Variants in GPBP1 observed in about 807,000 individuals in gnomAD.
GPBP1 encodes the protein GC-rich promoter binding protein 1.
In GPBP1, 13 loss-of-function variants were observed where a neutral mutation model predicts 56.5. The observed-to-expected ratio is 0.23, with a 90% CI of 0.15 to 0.37. The LOEUF (loss-of-function observed/expected upper bound fraction) is 0.37. GPBP1 is among the 10% of genes least tolerant of loss of function. The pLI is 1.00. For synonymous variants in GPBP1, 204 were observed against 188.9 expected (o/e 1.08, Z -0.66); for missense variants, 477 against 572.3 (o/e 0.83, Z 1.70).
chr5:57,184,856 A>G (rs1754215781), intron 2 of GPBP1, among the ~76,000 whole-genome samples: 1 of 152,198 alleles, frequency 6.6e-6, no homozygotes, highest in South Asian at 2.1e-4. Flanking sequence ...CGGAATGTCA[A>G]AGGAATTATA....
chr5:57,241,834 A>G (rs1456710546), intron 6 of GPBP1, among the ~76,000 whole-genome samples: 4 of 152,230 alleles, frequency 2.6e-5, no homozygotes, highest in South Asian at 4.1e-4. Context: ...TCTTCTTCAT[A>G]TAATTAACCA....
At chr5:57,251,321 C>T (rs1466179458) in intron 10 of GPBP1, among the ~76,000 whole-genome samples, 180 bp downstream of exon 10, 1 of 152,158 alleles carries the variant, frequency 6.6e-6, no homozygotes, top group Admixed American at 6.5e-5. Flanking sequence ...CTCGCATTTA[C>T]TTTTCATTTG....
At chr5:57,225,578 G>A (rs1756151753) in intron 3 of GPBP1, among the ~76,000 whole-genome samples, 1 of 150,730 alleles carries the variant, frequency 6.6e-6, no homozygotes, top group Non-Finnish European at 1.5e-5. Flanking sequence ...ATTCTACAAA[G>A]TAAGAATTAA....
chr5:57,253,974 A>G (rs1317746784), intron 10 of GPBP1, among the ~76,000 whole-genome samples: 2 of 151,710 alleles, frequency 1.3e-5, no homozygotes, highest in Non-Finnish European at 2.9e-5. Context: ...GTCTTATTCC[A>G]TTGTCCAGCC....
chr5:57,228,035 G>A (rs1033288462), intron 3 of GPBP1, among the ~76,000 whole-genome samples: 5 of 152,120 alleles, frequency 3.3e-5, no homozygotes, highest in African/African-American at 1.2e-4. Flanking sequence ...ACTAATACAA[G>A]ATAGAATTGT....
At chr5:57,180,885 G>A (rs1233939883) in intron 2 of GPBP1, among the ~76,000 whole-genome samples, 1 of 152,104 alleles carries the variant, frequency 6.6e-6, no homozygotes, top group East Asian at 1.9e-4. Context: ...GGGATTACAG[G>A]TGCCCACCAC....
chr5:57,222,038 G>T (rs1476298474), intron 3 of GPBP1, among the ~76,000 whole-genome samples: 2 of 150,894 alleles, frequency 1.3e-5, no homozygotes, highest in Non-Finnish European at 3.0e-5. Flanking sequence ...TTGTTTTTTT[G>T]TTTTGTTTTT....
intron 2 of GPBP1, among the ~76,000 whole-genome samples, chr5:57,202,609 TTATC>T (rs1755068462): frequency 6.6e-6 from 1 of 152,250 alleles, no homozygotes; most frequent in African/African-American, 2.4e-5. Context: ...TTTAAAAAGC[TTATC>T]TATCATTTGA....
intron 2 of GPBP1, among the ~76,000 whole-genome samples, chr5:57,182,164 A>G (rs895131704): frequency 2.0e-5 from 3 of 151,800 alleles, no homozygotes; most frequent in Admixed American, 1.3e-4. Context: ...GCTCACTGCA[A>G]CCTCCACCTC....
At chr5:57,203,480 A>AC (rs1416172943) in intron 2 of GPBP1, among the ~76,000 whole-genome samples, 4 of 152,262 alleles carry the variant, frequency 2.6e-5, no homozygotes, top group African/African-American at 9.6e-5. Flanking sequence ...TACTAAAAAT[A>AC]CAAAAAAATT....
intron 10 of GPBP1, among the ~76,000 whole-genome samples, chr5:57,258,922 G>GT (rs944653944): frequency 3.9e-5 from 6 of 152,178 alleles, no homozygotes; most frequent in African/African-American, 1.4e-4. Flanking sequence ...TTACGATTCA[G>GT]TTTTTAAAAG....
chr5:57,241,300 C>T (rs940881142), intron 6 of GPBP1, among the ~76,000 whole-genome samples: 3 of 152,190 alleles, frequency 2.0e-5, no homozygotes, highest in Admixed American at 6.5e-5. Flanking sequence ...TATTTTTGTT[C>T]TAATTTGTCT....
In GPBP1 at chr5:57,231,163, A is replaced by C; in HGVS notation, c.253A>C (p.Asn85His). ...THGRNGTENI[N>H]HRGGYHGGSS... ...TGGAAGAAATGGTACAGAAAACATA[A>C]ATCATCGAGGTGGATACCATGGTGG... is the stretch of plus-strand genomic sequence containing the variant. Residue 85 changes from asparagine to histidine, a missense_variant, in exon 5 of 12, where the codon AAT (asparagine) becomes CAT (histidine). Asn to His is a moderately conservative substitution (Grantham distance 68, BLOSUM62 1). Coordinates refer to ENST00000506184, the MANE Select transcript of GPBP1 (RefSeq NM_022913.4). The C allele has an allele frequency of 2.5e-6, 4 of 1,614,214 alleles. No homozygotes were observed. The highest frequency in any genetic ancestry group is 3.4e-6 in the Non-Finnish European group (4 of 1,180,026).
chr5:57,234,425 G>A (rs112153027), intron 5 of GPBP1, among the ~76,000 whole-genome samples: 4 of 152,180 alleles, frequency 2.6e-5, no homozygotes, highest in Non-Finnish European at 4.4e-5. Flanking sequence ...TAGTGCGTGT[G>A]TTAACTAGTG....
chr5:57,228,805 GA>G (rs59587632), intron 3 of GPBP1, among the ~76,000 whole-genome samples: 3,684 of 142,692 alleles, frequency 0.026, 98 homozygotes, highest in African/African-American at 0.079. Context: ...ATGCAAGACT[GA>G]AAAAAAAAAA....
At chr5:57,261,414 AAAG>A (rs1384530795) in intron 11 of GPBP1, 132 bp downstream of exon 11, 4 of 586,462 alleles carry the variant, frequency 6.8e-6, no homozygotes, top group Non-Finnish European at 1.2e-5. Flanking sequence ...TTAAAAAAAA[AAAG>A]AGGGAGGACA....
chr5:57,242,421 G>A (rs188042610), intron 6 of GPBP1, among the ~76,000 whole-genome samples: 2 of 152,282 alleles, frequency 1.3e-5, no homozygotes, highest in East Asian at 3.9e-4. Context: ...CAACTGGTAA[G>A]GTTGGAGCTA....
At chr5:57,195,644 T>C (rs1189351487) in intron 2 of GPBP1, among the ~76,000 whole-genome samples, 1 of 152,122 alleles carries the variant, frequency 6.6e-6, no homozygotes, top group Non-Finnish European at 1.5e-5. Flanking sequence ...GAGCTAGCTG[T>C]GATGACTTAG....
intron 6 of GPBP1, among the ~76,000 whole-genome samples, chr5:57,237,691 C>T (rs750247568): frequency 6.6e-6 from 1 of 152,120 alleles, no homozygotes; most frequent in Non-Finnish European, 1.5e-5. Flanking sequence ...CACTTTCCCC[C>T]CTGGGTTCCC....
Sources: gnomAD v4.1 joint callset for allele counts (sites outside exome capture counted in the v4.1 genomes callset) on GRCh38, gnomAD v4.1.1 for gene constraint, MANE v1.5 for transcripts, NCBI Gene and HGNC (gene_info 2026-07-23, HGNC 2026-07-21) for gene names.